The following MYO16 variants were observed in gnomAD, a reference collection of about 807,000 sequenced individuals.
MYO16 encodes unconventional myosin-XVI.
MYO16 carries 94 observed loss-of-function variants against 205.3 expected under a neutral mutation model. The observed-to-expected ratio is 0.46, with a 90% CI of 0.39 to 0.54. The LOEUF is 0.54. Ranked by LOEUF, MYO16 falls within the 20% of genes least tolerant of loss-of-function variation. The pLI, the probability that MYO16 is intolerant of heterozygous loss-of-function variation, is 0.00. For synonymous variants in MYO16, 988 were observed against 954.0 expected (o/e 1.04, Z -0.66); for missense variants, 2,315 against 2,387.5 (o/e 0.97, Z 0.63).
chr13:108,701,142 G>GA (rs1030073250), intron 2 of MYO16, among the ~76,000 whole-genome samples: 3 of 151,988 alleles, frequency 2.0e-5, no homozygotes, highest in African/African-American at 7.3e-5. Context: ...ATTTAGTTAC[G>GA]AAAAATAATG....
At chr13:108,879,969 G>A (rs1360616623) in intron 12 of MYO16, among the ~76,000 whole-genome samples, 1 of 152,204 alleles carries the variant, frequency 6.6e-6, no homozygotes, top group Admixed American at 6.5e-5. Flanking sequence ...CTAGTTTACA[G>A]TCCCACAAAC....
intron 20 of MYO16, among the ~76,000 whole-genome samples, chr13:108,975,411 A>G (rs1356507812): frequency 6.6e-6 from 1 of 152,162 alleles, no homozygotes; most frequent in Non-Finnish European, 1.5e-5. Flanking sequence ...AAGGACTGGA[A>G]TGTAGCCATA....
chr13:109,051,804 T>C (rs1232428299), intron 24 of MYO16, among the ~76,000 whole-genome samples: 1 of 152,202 alleles, frequency 6.6e-6, no homozygotes, highest in Non-Finnish European at 1.5e-5. Context: ...GGACACTTCT[T>C]TTCCCTTCTT....
chr13:109,145,518 TAC>T (rs752805329), intron 32 of MYO16, among the ~76,000 whole-genome samples: 2 of 152,240 alleles, frequency 1.3e-5, no homozygotes, highest in Non-Finnish European at 2.9e-5. Flanking sequence ...AATTCTGGGA[TAC>T]AGTGTCTAGG....
At chr13:108,820,492 A>G in intron 8 of MYO16, 80 bp downstream of exon 8, 1 of 1,186,886 alleles carries the variant, frequency 8.4e-7, no homozygotes, top group Non-Finnish European at 1.2e-6. Flanking sequence ...CATCTTCAGC[A>G]CAGCTACAAA....
chr13:108,663,355 G>A (rs11843144), intron 1 of MYO16, among the ~76,000 whole-genome samples: 3,175 of 151,116 alleles, frequency 0.021, 92 homozygotes, highest in African/African-American at 0.072. Context: ...ATATCTTATC[G>A]ATTCATAGAC....
chr13:108,772,730 T>A (rs1886006934), intron 4 of MYO16, among the ~76,000 whole-genome samples: 2 of 152,204 alleles, frequency 1.3e-5, no homozygotes. Context: ...TCCTTGTTCT[T>A]ATAAAATACA....
chr13:109,126,995 G>C (rs560937272), intron 30 of MYO16, among the ~76,000 whole-genome samples: 1 of 152,292 alleles, frequency 6.6e-6, no homozygotes, highest in African/African-American at 2.4e-5. Context: ...TGGAAAATGC[G>C]AAGGCCCTTA....
chr13:109,205,429 TTC>T (rs1880558729), intron 34 of MYO16, among the ~76,000 whole-genome samples: 1 of 152,170 alleles, frequency 6.6e-6, no homozygotes, highest in Non-Finnish European at 1.5e-5. Context: ...ACCACTTGTG[TTC>T]TGTTTTGTTT....
intron 15 of MYO16, among the ~76,000 whole-genome samples, chr13:108,905,499 C>A (rs973815764): frequency 6.6e-6 from 1 of 152,130 alleles, no homozygotes; most frequent in Non-Finnish European, 1.5e-5. Context: ...CCAAATCTCA[C>A]TTAGCAGCTA....
At chr13:109,177,939 G>C (rs1241403978) in intron 33 of MYO16, among the ~76,000 whole-genome samples, 2 of 152,144 alleles carry the variant, frequency 1.3e-5, no homozygotes, top group Non-Finnish European at 2.9e-5. Context: ...TAGAAGTGAA[G>C]GTTTATCTTG....
chr13:108,676,372 CGTGTGTGTGTGTGT>C (rs35790433), intron 2 of MYO16, among the ~76,000 whole-genome samples: 2 of 131,762 alleles, frequency 1.5e-5, no homozygotes, highest in East Asian at 5.4e-4. Context: ...TATATGTACG[CGTGTGTGTGTGTGT>C]GTGTGTGTGT....
Position 108,830,548 on chromosome 13 carries a change from G to A in MYO16, c.1097+7270G>A, listed in dbSNP as rs568842590. 3.4e-5 allele frequency among the ~76,000 whole-genome samples: 5 copies of A among 147,764 alleles called. No homozygotes were observed. The South Asian group carries it at 1.1e-3, about 32-fold the overall frequency. The stretch of plus-strand genomic sequence containing the variant: ...CACCGCATATTCTCACTCATAGGTG[G>A]GAATTGAACAATGAGAACACATGGA... On this transcript the variant is annotated intron_variant, in intron 9 of 34. Coordinates refer to ENST00000457511, the MANE Select transcript of MYO16 (RefSeq NM_001198950.3).
At chr13:109,152,633 G>A (rs1012131227) in intron 32 of MYO16, among the ~76,000 whole-genome samples, 4 of 152,092 alleles carry the variant, frequency 2.6e-5, no homozygotes, top group Admixed American at 6.5e-5. Flanking sequence ...GCTGCTAATC[G>A]GAATACATTT....
chr13:108,732,450 G>A (rs991635825), intron 4 of MYO16, among the ~76,000 whole-genome samples: 4 of 152,220 alleles, frequency 2.6e-5, no homozygotes, highest in African/African-American at 7.2e-5. Flanking sequence ...TGACATGTGA[G>A]CCGGGAGCTA....
Position 108,873,318 on chromosome 13 carries a change from A to G in MYO16, c.1425+7076A>G, listed in dbSNP as rs549819338. On this transcript the variant is annotated intron_variant, in intron 12 of 34. Coordinates refer to ENST00000457511, the MANE Select transcript of MYO16 (RefSeq NM_001198950.3). ...TTCATATTTAAAAAGAAATTCACATATAACATCTGCATTTTAGTTTTATTT... is the reference window on the plus strand; with the variant it reads ...TTCATATTTAAAAAGAAATTCACATGTAACATCTGCATTTTAGTTTTATTT... Among the ~76,000 whole-genome samples, 64 of 152,374 alleles carry G rather than the reference A, an allele frequency of 4.2e-4. 1 individual carries two copies. The South Asian group carries it at 0.011, about 27-fold the overall frequency.
intron 1 of MYO16, among the ~76,000 whole-genome samples, chr13:108,606,271 C>T (rs1269765755): frequency 6.6e-6 from 1 of 152,198 alleles, no homozygotes; most frequent in Non-Finnish European, 1.5e-5. Flanking sequence ...ATCACCAAGA[C>T]AATGGGGAAT....
chr13:108,651,374 G>A (rs969451947), intron 1 of MYO16, among the ~76,000 whole-genome samples: 2 of 152,120 alleles, frequency 1.3e-5, no homozygotes, highest in Non-Finnish European at 2.9e-5. Context: ...ACCCTGAAAC[G>A]AACCCTAGAA....
chr13:108,763,011 T>C (rs575913318), intron 4 of MYO16, among the ~76,000 whole-genome samples: 2 of 152,364 alleles, frequency 1.3e-5, no homozygotes, highest in South Asian at 4.1e-4. Context: ...AGAAAGTCTC[T>C]AATCTTTCTC....
Sources: allele counts gnomAD v4.1 joint callset (sites outside exome capture counted in the v4.1 genomes callset), GRCh38; gene constraint gnomAD v4.1.1; transcripts MANE v1.5; gene names NCBI Gene and HGNC (gene_info 2026-07-23, HGNC 2026-07-21).